USP9X: variants seen among roughly 807,000 people sequenced by gnomAD.
USP9X encodes ubiquitin specific peptidase 9 X-linked.
A neutral mutation model predicts 190.3 loss-of-function variants in USP9X; 7 were observed. The observed-to-expected ratio is 0.04, with a 90% CI of 0.02 to 0.07. The LOEUF is 0.07. Ranked by LOEUF, USP9X falls within the 10% of genes least tolerant of loss-of-function variation. The pLI, the probability that USP9X is intolerant of heterozygous loss-of-function variation, is 1.00. For synonymous variants in USP9X, 645 were observed against 659.5 expected (o/e 0.98, Z 0.34); for missense variants, 1,010 against 1,916.9 (o/e 0.53, Z 8.83).
At chrX:41,176,987 A>G (rs1331207110) in intron 21 of USP9X, among the ~76,000 whole-genome samples, 2 of 112,225 alleles carry the variant, frequency 1.8e-5, no homozygotes, top group African/African-American at 3.2e-5. Flanking sequence ...ACTGTTTACA[A>G]AGAATACAGT....
intron 14 of USP9X, among the ~76,000 whole-genome samples, chrX:41,154,943 CT>C (rs968358792): frequency 1.8e-5 from 2 of 111,728 alleles, no homozygotes; most frequent in African/African-American, 6.5e-5. Context: ...TTCTATTAAA[CT>C]TTTTACAACG....
In USP9X at chrX:41,218,381, A is replaced by G. The variant is rs749640824; in HGVS notation, c.6219A>G (p.Ala2073=). 2 of 1,210,966 alleles carry G rather than the reference A, an allele frequency of 1.7e-6. No individual in the cohort carries two copies. Among genetic ancestry groups the G allele is most frequent in the Non-Finnish European group, 2.2e-6 (2 of 895,154 alleles). ...VRGSASDWYD[A]LCILLRHSKN... ...TTTTGTTTTATTTTAGGTATGATGCATTGTGTATTCTCCTTCGTCACAGCA... is the reference window on the plus strand; with the variant it reads ...TTTTGTTTTATTTTAGGTATGATGCGTTGTGTATTCTCCTTCGTCACAGCA... Residue 2073 remains alanine, a synonymous_variant, in exon 37 of 45, where the codon GCA becomes GCG. Transcript: ENST00000378308.
At position 41,151,043 on chromosome X, in the gene USP9X, G is replaced by A. The variant is rs746889389; in HGVS notation, c.1749G>A (p.Ala583=). 4 of 1,197,965 alleles carry A rather than the reference G, an allele frequency of 3.3e-6. No individual in the cohort carries two copies. Among genetic ancestry groups the A allele is most frequent in the East Asian group, 6.0e-5 (2 of 33,549 alleles). The change falls in exon 13 of 45, where the codon GCG becomes GCA. Residue 583 remains alanine, a synonymous_variant. Coordinates refer to ENST00000378308, the MANE Select transcript of USP9X (RefSeq NM_001039591.3). ...AAATTTGTAGTTTGTTTGGTGAAGC[G>A]CCTCAAAATTTGAGGTAAGACTTTT... is the stretch of plus-strand genomic sequence containing the variant. ...IREICSLFGE[A]PQNLSQTQRS... is the part of the protein sequence containing the mutation.
At chrX:41,119,825 G>A (rs1304433862) in intron 1 of USP9X, among the ~76,000 whole-genome samples, 2 of 111,983 alleles carry the variant, frequency 1.8e-5, no homozygotes, top group African/African-American at 6.5e-5. Flanking sequence ...GCGAGACTCC[G>A]TCTCAAAAAA....
chrX:41,177,021 C>CA (rs941228936), intron 21 of USP9X, among the ~76,000 whole-genome samples: 2 of 112,155 alleles, frequency 1.8e-5, no homozygotes, highest in African/African-American at 6.5e-5. Context: ...CAGTAATTAA[C>CA]AGTTTGCCGT....
intron 36 of USP9X, 78 bp from the exon 37 acceptor site, chrX:41,218,292 TGG>T: frequency 4.2e-6 from 4 of 956,117 alleles, no homozygotes; most frequent in Admixed American, 2.9e-5. Flanking sequence ...CTTTTTTTTT[TGG>T]TTCAATGAGA....
chrX:41,136,424 G>C (rs1364798489), intron 5 of USP9X, among the ~76,000 whole-genome samples: 1 of 112,628 alleles, frequency 8.9e-6, no homozygotes, highest in Admixed American at 9.4e-5. Flanking sequence ...GCCTCCCAAA[G>C]TGTTGGGATT....
At chrX:41,206,087 T>A (rs1457892613) in intron 32 of USP9X, among the ~76,000 whole-genome samples, 1 of 109,698 alleles carries the variant, frequency 9.1e-6, no homozygotes, top group Non-Finnish European at 1.9e-5. Context: ...AGACGGGGTT[T>A]TACCATGTTG....
chrX:41,212,063 G>A (rs1350568474), intron 33 of USP9X, among the ~76,000 whole-genome samples: 24 of 112,798 alleles, frequency 2.1e-4, no homozygotes, highest in Admixed American at 3.7e-4. Context: ...GATGGTTGCC[G>A]TGTCTGTGTA....
chrX:41,189,196 C>T (rs1483461854), intron 25 of USP9X, 113 bp from the exon 26 acceptor site: 1 of 712,072 alleles, frequency 1.4e-6, no homozygotes, highest in African/African-American at 2.1e-5. Context: ...CATGGAGAGG[C>T]TGAGGCCAGG....
At position 41,232,811 on chromosome X, in the gene USP9X, TTTC is replaced by T; in HGVS notation, c.*290_*292del. ...TGTTAATTCTTAAGCAAGAAACTTT[TTTC>T]TTGATGAGACTCACAGATCTACACA... On this transcript the variant is annotated 3_prime_UTR_variant, in exon 45 of 45. Coordinates refer to ENST00000378308, the MANE Select transcript of USP9X (RefSeq NM_001039591.3). 1 of 125,266 alleles carries T rather than the reference TTTC, an allele frequency of 8.0e-6. No individual in the cohort carries two copies. The highest frequency in any genetic ancestry group is 1.5e-5 in the Non-Finnish European group (1 of 65,115). 10.3% of individuals were successfully genotyped at this position (125,266 alleles called of 1,213,427 possible).
At chrX:41,138,437 T>C (rs1396602433) in intron 6 of USP9X, among the ~76,000 whole-genome samples, 4 of 112,563 alleles carry the variant, frequency 3.6e-5, no homozygotes, top group South Asian at 7.3e-4. Context: ...TTTCGGATAC[T>C]GTTTGTAATG....
intron 2 of USP9X, among the ~76,000 whole-genome samples, chrX:41,125,670 ACACACACACACACACTCTCT>A (rs1240149007): frequency 9.9e-4 from 58 of 58,847 alleles, no homozygotes; most frequent in African/African-American, 3.5e-3. Context: ...ACACACACAC[ACACACACACACACACTCTCT>A]CTCTCTCTCT....
intron 2 of USP9X, among the ~76,000 whole-genome samples, chrX:41,125,682 ACACTCTCTCT>A (rs1270475988): frequency 5.7e-4 from 13 of 22,846 alleles, no homozygotes; most frequent in South Asian, 2.1e-3. Flanking sequence ...ACACACACAC[ACACTCTCTCT>A]CTCTCTCTCT....
Position 41,188,119 on chromosome X carries a change from TAAG to T in USP9X, c.3810+5_3810+7del. 3.3e-6 allele frequency: 4 copies of T among 1,204,832 alleles called. No individual in the cohort carries two copies. The highest frequency in any genetic ancestry group is 4.5e-6 in the Non-Finnish European group (4 of 890,649). On this transcript the variant is annotated splice_donor_5th_base_variant and intron_variant, in intron 25 of 44. Coordinates refer to ENST00000378308, the MANE Select transcript of USP9X (RefSeq NM_001039591.3). ...GAAATCACTAAAATTTATGAGAAGG[TAAG>T]AATTATCACAGAACTATATTCCTTG...
intron 1 of USP9X, among the ~76,000 whole-genome samples, chrX:41,104,224 G>A (rs982770281): frequency 9.0e-6 from 1 of 110,969 alleles, no homozygotes; most frequent in African/African-American, 3.3e-5. Context: ...ATGCTACCAC[G>A]CTGAGCTAAT....
intron 44 of USP9X, among the ~76,000 whole-genome samples, chrX:41,231,456 G>A (rs753811934): frequency 7.2e-5 from 8 of 111,447 alleles, no homozygotes; most frequent in South Asian, 3.8e-4. Flanking sequence ...GGCCAGGCGC[G>A]GTAGCTCATG....
At chrX:41,171,547 A>G (rs1317396748) in intron 20 of USP9X, 2 of 280,085 alleles carry the variant, frequency 7.1e-6, no homozygotes, top group Non-Finnish European at 1.3e-5. Flanking sequence ...GGTAGTGGGC[A>G]TGGCAGCCTT....
chrX:41,147,286 A>T (rs1488542092), intron 11 of USP9X, among the ~76,000 whole-genome samples: 1 of 109,331 alleles, frequency 9.1e-6, no homozygotes, highest in Non-Finnish European at 1.9e-5. Context: ...GAGGTTTTTA[A>T]TTGTAATCTG....
Sources: gnomAD v4.1 joint callset for allele counts (sites outside exome capture counted in the v4.1 genomes callset) on GRCh38, gnomAD v4.1.1 for gene constraint, MANE v1.5 for transcripts, NCBI Gene and HGNC (gene_info 2026-07-23, HGNC 2026-07-21) for gene names.